EYS: variants seen among roughly 807,000 people sequenced by gnomAD.
EYS encodes the protein EGF-like photoreceptor maintenance factor.
Under a neutral mutation model 282.1 loss-of-function variants are expected in EYS, and 250 were observed. The observed-to-expected ratio is 0.89, with a 90% CI of 0.80 to 0.98. The LOEUF (loss-of-function observed/expected upper bound fraction) is 0.98, where lower values mean the gene tolerates loss of function less well. Among genes scored for constraint, EYS ranks in the 50% least tolerant of loss-of-function variants. The probability of loss-of-function intolerance (pLI) is 0.00; values close to 1 mark genes in which losing one functional copy is unlikely to be tolerated. For synonymous variants in EYS, 1,355 were observed against 1,282.9 expected (o/e 1.06, Z -1.20); for missense variants, 4,016 against 3,709.0 (o/e 1.08, Z -2.15).
intron 2 of EYS, among the ~76,000 whole-genome samples, chr6:65,609,336 C>CA (rs34304600): frequency 0.43 from 62,038 of 142,940 alleles, 13,659 homozygotes; most frequent in Admixed American, 0.51. Context: ...CCAAGATAGC[C>CA]AAAAAAAAAA....
Position 63,943,466 on chromosome 6 carries a change from G to A in EYS, c.7055+40917C>T, listed in dbSNP as rs573626420. Among the ~76,000 whole-genome samples the A allele has an allele frequency of 2.0e-5, 3 of 152,146 alleles. No homozygotes were observed. The South Asian group carries it at 6.2e-4, about 32-fold the overall frequency. Reference sequence around the variant, plus strand: ...GCTTGATTCTGCATGAAAATATGAAGATATTCATGAAGATATATATTTATG... The same window carrying A: ...GCTTGATTCTGCATGAAAATATGAAAATATTCATGAAGATATATATTTATG... On this transcript the variant is annotated intron_variant, in intron 35 of 42. Coordinates refer to ENST00000503581, the MANE Select transcript of EYS (RefSeq NM_001142800.2).
At chr6:64,738,251 C>T (rs949865062) in intron 22 of EYS, among the ~76,000 whole-genome samples, 6 of 152,058 alleles carry the variant, frequency 3.9e-5, no homozygotes, top group Admixed American at 2.0e-4. Context: ...GGCTTGATAC[C>T]CTCCCTACAG....
At chr6:64,260,901 G>T (rs1767563322) in intron 30 of EYS, among the ~76,000 whole-genome samples, 2 of 151,314 alleles carry the variant, frequency 1.3e-5, no homozygotes, top group Non-Finnish European at 1.5e-5. Flanking sequence ...AATTGCTGTG[G>T]ATACATAATA....
chr6:64,995,436 T>C (rs1006849608), intron 14 of EYS, among the ~76,000 whole-genome samples: 1 of 152,136 alleles, frequency 6.6e-6, no homozygotes, highest in Non-Finnish European at 1.5e-5. Context: ...GAGTTCTTCT[T>C]ATACATTATC....
intron 22 of EYS, among the ~76,000 whole-genome samples, chr6:64,710,104 G>A (rs6914016): frequency 0.97 from 148,150 of 152,346 alleles, 72,121 homozygotes; most frequent in Non-Finnish European, 1. Context: ...TAATAAACAC[G>A]TCTTATAAAT....
chr6:65,273,570 T>C (rs1245875894), intron 12 of EYS, among the ~76,000 whole-genome samples: 3 of 151,996 alleles, frequency 2.0e-5, no homozygotes, highest in Admixed American at 6.6e-5. Flanking sequence ...CAGAGCAAGT[T>C]TGAAGGGGAA....
chr6:63,739,942 C>T (rs1322681749), intron 41 of EYS, among the ~76,000 whole-genome samples: 1 of 151,718 alleles, frequency 6.6e-6, no homozygotes, highest in Non-Finnish European at 1.5e-5. Context: ...TCGTGATCCA[C>T]CCACCTCAGC....
At chr6:65,476,853 G>T (rs890144134) in intron 5 of EYS, among the ~76,000 whole-genome samples, 2 of 152,256 alleles carry the variant, frequency 1.3e-5, no homozygotes, top group Admixed American at 6.5e-5. Context: ...GGGATTACAG[G>T]CATGAGCCAC....
chr6:64,125,154 G>GCGCGCGCGCGCGCGCGCTCTCTCTCTC (rs1773724746), intron 31 of EYS, among the ~76,000 whole-genome samples: 1 of 145,264 alleles, frequency 6.9e-6, no homozygotes, highest in African/African-American at 2.6e-5. Context: ...CACACTCTCT[G>GCGCGCGCGCGCGCGCGCTCTCTCTCTC]TCTCTCTCTC....
intron 18 of EYS, among the ~76,000 whole-genome samples, chr6:64,896,591 G>A (rs1254969110): frequency 1.3e-5 from 2 of 149,902 alleles, no homozygotes; most frequent in Non-Finnish European, 3.0e-5. Context: ...TGAAACACCA[G>A]CAAGAGAGAA....
intron 31 of EYS, among the ~76,000 whole-genome samples, chr6:64,139,890 C>A (rs1774283876): frequency 6.6e-6 from 1 of 151,760 alleles, no homozygotes; most frequent in African/African-American, 2.4e-5. Flanking sequence ...ATTGCTTGAA[C>A]CTGGGAGGCT....
At chr6:64,618,437 TTACTC>T (rs1767342805) in intron 23 of EYS, among the ~76,000 whole-genome samples, 1 of 152,164 alleles carries the variant, frequency 6.6e-6, no homozygotes, top group Non-Finnish European at 1.5e-5. Flanking sequence ...CTGACTATGC[TTACTC>T]TAATCACAAC....
chr6:64,886,813 T>C lies in EYS; in HGVS notation c.2876A>G (p.His959Arg), dbSNP rs1408789810. 13 of 1,543,720 alleles carry C rather than the reference T, an allele frequency of 8.4e-6. No homozygotes were observed. The highest frequency in any genetic ancestry group is 2.5e-5 in the East Asian group (1 of 40,512). The change falls in exon 19 of 43, where the codon CAT becomes CGT. Residue 959 changes from histidine (H) to arginine (R), a missense_variant. By Grantham distance (29) the His-to-Arg change is conservative. Coordinates refer to ENST00000503581, the MANE Select transcript of EYS (RefSeq NM_001142800.2). ...TACATCAAGTTCACAGAAGGGCCCA[T>C]GGTACTCAGGTTCACAATTACAAAA... The part of the protein sequence containing the change: ...RFFCNCEPEY[H>R]GPFCELDVNK...
At chr6:63,944,915 T>A (rs1317032044) in intron 35 of EYS, among the ~76,000 whole-genome samples, 1 of 151,938 alleles carries the variant, frequency 6.6e-6, no homozygotes, top group Non-Finnish European at 1.5e-5. Flanking sequence ...GCCTGTGTGA[T>A]GGGAGCAAGA....
intron 22 of EYS, among the ~76,000 whole-genome samples, chr6:64,794,352 C>A (rs892472724): frequency 2.6e-4 from 39 of 152,092 alleles, no homozygotes; most frequent in Admixed American, 1.3e-3. Flanking sequence ...TAATTCCCAA[C>A]GTTGGTGAGG....
chr6:64,343,239 T>C (rs1669958257), intron 29 of EYS, among the ~76,000 whole-genome samples: 1 of 151,822 alleles, frequency 6.6e-6, no homozygotes, highest in Admixed American at 6.6e-5. Flanking sequence ...CCACCCCAAA[T>C]CAACAGAATA....
chr6:65,227,125 C>T lies in EYS; in HGVS notation c.2023+68738G>A, dbSNP rs192894485. Among the ~76,000 whole-genome samples the T allele has an allele frequency of 1.4e-3, 196 of 144,264 alleles. 1 individual carries two copies. The highest frequency in any genetic ancestry group is 4.8e-3 in the African/African-American group (182 of 38,274). The allele number at this position is 144,264 out of a possible 152,430, so 94.6% of individuals were successfully genotyped here. Reference sequence around the variant, plus strand: ...GTGCATGTCTGTAATCCCAGCTACTCGGGAGGCTGAGGGGAAAAACAACAA... The same window carrying T: ...GTGCATGTCTGTAATCCCAGCTACTTGGGAGGCTGAGGGGAAAAACAACAA... On this transcript the variant is annotated intron_variant, in intron 12 of 42. Coordinates refer to ENST00000503581, the MANE Select transcript of EYS (RefSeq NM_001142800.2).
At chr6:63,849,213 T>C (rs901357419) in intron 36 of EYS, among the ~76,000 whole-genome samples, 8 of 152,080 alleles carry the variant, frequency 5.3e-5, no homozygotes, top group African/African-American at 1.4e-4. Flanking sequence ...AAAACTCCCA[T>C]CTCCCTGGGA....
intron 22 of EYS, among the ~76,000 whole-genome samples, chr6:64,679,266 T>C (rs748593078): frequency 6.6e-6 from 1 of 152,168 alleles, no homozygotes; most frequent in Non-Finnish European, 1.5e-5. Flanking sequence ...TATGTGTGTG[T>C]TGCCCTTCCT....
Sources: allele counts gnomAD v4.1 joint callset (sites outside exome capture counted in the v4.1 genomes callset), GRCh38; gene constraint gnomAD v4.1.1; transcripts MANE v1.5; gene names NCBI Gene and HGNC (gene_info 2026-07-23, HGNC 2026-07-21).